Variants in ZNF804B observed in about 807,000 individuals in gnomAD.
ZNF804B encodes zinc finger 804B.
Under a neutral mutation model 101.4 loss-of-function variants are expected in ZNF804B, and 80 were observed. The ratio of observed to expected loss-of-function variants is 0.79; its 90% confidence interval spans 0.66 to 0.95. ZNF804B has a LOEUF of 0.95. Among genes scored for constraint, ZNF804B ranks in the 40% least tolerant of loss-of-function variants. The probability of loss-of-function intolerance (pLI) is 0.00; values close to 1 mark genes in which losing one functional copy is unlikely to be tolerated. For synonymous variants in ZNF804B, 622 were observed against 558.8 expected (o/e 1.11, Z -1.59); for missense variants, 1,673 against 1,561.9 (o/e 1.07, Z -1.20).
At chr7:89,103,684 A>G (rs542798860) in intron 1 of ZNF804B, among the ~76,000 whole-genome samples, 1 of 151,970 alleles carries the variant, frequency 6.6e-6, no homozygotes, top group African/African-American at 2.4e-5. Flanking sequence ...TGAATAGAGA[A>G]CTTTGACTTC....
chr7:88,794,243 TA>T lies in ZNF804B; in HGVS notation c.108+34160del, dbSNP rs1562795095. On this transcript the variant is annotated intron_variant, in intron 1 of 3. Transcript: ENST00000333190. ...TCCAGAGTGATGTGTATGGGTCTAT[TA>T]TACATGTTTATAAATGTTGCCGGGT... The T allele has an allele frequency of 2.5e-6, 4 of 1,613,670 alleles. No individual in the cohort carries two copies. In the South Asian group the frequency reaches 4.4e-5, roughly 18 times the overall value.
chr7:88,923,659 A>T (rs1792755015), intron 1 of ZNF804B, among the ~76,000 whole-genome samples: 1 of 152,104 alleles, frequency 6.6e-6, no homozygotes, highest in South Asian at 2.1e-4. Context: ...CTTTTAGTTA[A>T]AAGTAATAAT....
chr7:89,264,672 A>G (rs1447103946), intron 2 of ZNF804B, among the ~76,000 whole-genome samples: 2 of 152,116 alleles, frequency 1.3e-5, no homozygotes, highest in East Asian at 3.9e-4. Flanking sequence ...ACTTCTTGCT[A>G]CATTGTGTGA....
At chr7:88,985,930 T>C (rs76296355) in intron 1 of ZNF804B, among the ~76,000 whole-genome samples, 3,450 of 152,216 alleles carry the variant, frequency 0.023, 135 homozygotes, top group African/African-American at 0.078. Flanking sequence ...TTTCTTCTAA[T>C]AGGAACCAAT....
chr7:88,825,985 A>G (rs559598195), intron 1 of ZNF804B, among the ~76,000 whole-genome samples: 8 of 152,182 alleles, frequency 5.3e-5, no homozygotes, highest in Non-Finnish European at 1.2e-4. Context: ...AAACCAGCAA[A>G]TCTTCTGTGA....
intron 1 of ZNF804B, among the ~76,000 whole-genome samples, chr7:89,161,709 A>G (rs1791067222): frequency 6.6e-6 from 1 of 152,048 alleles, no homozygotes; most frequent in Non-Finnish European, 1.5e-5. Context: ...AAGTTTTTGT[A>G]AAGAATTTCT....
intron 2 of ZNF804B, among the ~76,000 whole-genome samples, chr7:89,248,611 A>G (rs892146756): frequency 2.6e-5 from 4 of 152,176 alleles, no homozygotes; most frequent in Admixed American, 1.3e-4. Context: ...TAATCACTAG[A>G]TTATTCTTAC....
At chr7:89,319,159 A>G (rs1790776355) in intron 2 of ZNF804B, among the ~76,000 whole-genome samples, 1 of 152,126 alleles carries the variant, frequency 6.6e-6, no homozygotes, top group African/African-American at 2.4e-5. Flanking sequence ...CATTAGGGCC[A>G]TTATGGACAG....
chr7:89,003,489 T>G (rs919757891), intron 1 of ZNF804B, among the ~76,000 whole-genome samples: 1 of 151,924 alleles, frequency 6.6e-6, no homozygotes, highest in Non-Finnish European at 1.5e-5. Flanking sequence ...TTGGCAAACC[T>G]TTTACTTGCA....
intron 1 of ZNF804B, among the ~76,000 whole-genome samples, chr7:89,069,815 A>G (rs1487234124): frequency 6.6e-6 from 1 of 152,210 alleles, no homozygotes; most frequent in Non-Finnish European, 1.5e-5. Flanking sequence ...TAATATTTGA[A>G]TGACCTTGGA....
intron 1 of ZNF804B, among the ~76,000 whole-genome samples, chr7:89,098,008 T>A (rs1026519639): frequency 6.6e-6 from 1 of 152,208 alleles, no homozygotes; most frequent in Non-Finnish European, 1.5e-5. Context: ...AACATAATAA[T>A]GTTTAGCACA....
intron 1 of ZNF804B, among the ~76,000 whole-genome samples, chr7:89,157,780 G>A (rs923549064): frequency 6.6e-6 from 1 of 152,104 alleles, no homozygotes; most frequent in African/African-American, 2.4e-5. Context: ...TAAAAGACAG[G>A]TCAGGTGTGT....
At chr7:89,013,457 C>T (rs1296827203) in intron 1 of ZNF804B, among the ~76,000 whole-genome samples, 6 of 152,060 alleles carry the variant, frequency 3.9e-5, no homozygotes, top group Non-Finnish European at 8.8e-5. Flanking sequence ...GTAGAACATA[C>T]CTTCCTTTCT....
rs918981270 is a variant in ZNF804B at position 89,153,740 on chromosome 7, G to C, written c.109-64415G>C. On this transcript the variant is annotated intron_variant, in intron 1 of 3. Transcript: ENST00000333190. ...TCTAGTTCTTTGCTTGCTTCTACTT[G>C]TATCTCTCCTCTGAGACTGTTCTAT... Among the ~76,000 whole-genome samples, 5 of 152,084 alleles carry C rather than the reference G, an allele frequency of 3.3e-5. No individual in the cohort carries two copies. The South Asian group carries it at 8.3e-4, about 25-fold the overall frequency.
chr7:88,962,298 A>G (rs1377105729), intron 1 of ZNF804B, among the ~76,000 whole-genome samples: 3 of 151,248 alleles, frequency 2.0e-5, no homozygotes, highest in African/African-American at 7.3e-5. Flanking sequence ...TCAGGATACC[A>G]TCTAATTCTA....
chr7:89,171,288 GCTTCTTCTTCTT>G (rs1203060273), intron 1 of ZNF804B, among the ~76,000 whole-genome samples: 1,452 of 82,432 alleles, frequency 0.018, 44 homozygotes, highest in East Asian at 0.092. Flanking sequence ...TGCTGCTGCT[GCTTCTTCTTCTT>G]CTTCTTCTTC....
At chr7:88,789,358 G>A (rs1436278686) in intron 1 of ZNF804B, among the ~76,000 whole-genome samples, 1 of 152,114 alleles carries the variant, frequency 6.6e-6, no homozygotes, top group Non-Finnish European at 1.5e-5. Context: ...CATAATTAAT[G>A]TGGTGAAGTT....
At chr7:89,187,752 A>G (rs1421279038) in intron 1 of ZNF804B, among the ~76,000 whole-genome samples, 1 of 152,178 alleles carries the variant, frequency 6.6e-6, no homozygotes, top group African/African-American at 2.4e-5. Context: ...AAAATATTAT[A>G]TTAACTGACT....
intron 1 of ZNF804B, among the ~76,000 whole-genome samples, chr7:89,020,115 C>T (rs1316154247): frequency 6.6e-6 from 1 of 151,972 alleles, no homozygotes; most frequent in Non-Finnish European, 1.5e-5. Flanking sequence ...AAGATAGAAC[C>T]TTTCTCTTTC....
Sources: gnomAD v4.1 joint callset for allele counts (sites outside exome capture counted in the v4.1 genomes callset) on GRCh38, gnomAD v4.1.1 for gene constraint, MANE v1.5 for transcripts, NCBI Gene and HGNC (gene_info 2026-07-23, HGNC 2026-07-21) for gene names.